Variants in CNTNAP3B observed in about 807,000 individuals in gnomAD.
The protein encoded by CNTNAP3B is contactin associated protein family member 3B, also known as contactin-associated protein-like 3B.
In CNTNAP3B, 25 loss-of-function variants were observed where a neutral mutation model predicts 108.9. The observed-to-expected ratio is 0.23, with a 90% CI of 0.17 to 0.32. The LOEUF (loss-of-function observed/expected upper bound fraction) is 0.32. Ranked by LOEUF, CNTNAP3B falls within the 10% of genes least tolerant of loss-of-function variation. The pLI is 1.00. For missense variants in CNTNAP3B, 252 were observed against 1,210.4 expected (o/e 0.21, Z 11.75); for synonymous variants, 103 against 473.4 (o/e 0.22, Z 10.16).
chr9:42,054,179 G>GTT (rs1827012799), intron 3 of CNTNAP3B, among the ~76,000 whole-genome samples: 1 of 74,244 alleles, frequency 1.3e-5, no homozygotes, highest in African/African-American at 4.4e-5. Context: ...GTGTGTGTGT[G>GTT]TTTGCACACA....
At chr9:42,028,936 G>T (rs969062407) in intron 3 of CNTNAP3B, among the ~76,000 whole-genome samples, 8 of 151,702 alleles carry the variant, frequency 5.3e-5, no homozygotes, top group Non-Finnish European at 1.0e-4. Context: ...AATTTTTTTG[G>T]CATTTAAATG....
At chr9:41,925,566 C>T (rs1276255510) in intron 15 of CNTNAP3B, among the ~76,000 whole-genome samples, 7 of 152,168 alleles carry the variant, frequency 4.6e-5, no homozygotes, top group Non-Finnish European at 7.3e-5. Context: ...GCACTCCAGC[C>T]TGCGCAACAG....
intron 13 of CNTNAP3B, among the ~76,000 whole-genome samples, chr9:41,942,867 T>C (rs1394784213): frequency 6.6e-6 from 1 of 152,190 alleles, no homozygotes; most frequent in Non-Finnish European, 1.5e-5. Flanking sequence ...AAATTCAGCC[T>C]AACTACTAAC....
chr9:42,110,702 T>C (rs61395714), intron 1 of CNTNAP3B, among the ~76,000 whole-genome samples: 1,873 of 137,370 alleles, frequency 0.014, 261 homozygotes, highest in South Asian at 0.057. Flanking sequence ...CCATACCTTC[T>C]TCAGGCCACG....
rs980573784 is a variant in CNTNAP3B, at chr9:41,941,102, C to T, written c.2081-2702G>A. Among the ~76,000 whole-genome samples the T allele has an allele frequency of 9.8e-4, 147 of 150,162 alleles. No individual in the cohort carries two copies. In the East Asian group the frequency reaches 0.02, roughly 21 times the overall value. ...TTAGAAGTGGGGAAGATAAAGGACC[C>T]AAATAGACATAAGGATTCCATATTT... is the stretch of plus-strand genomic sequence containing the variant. On this transcript the variant is annotated intron_variant, in intron 13 of 23. Coordinates refer to ENST00000377561, the MANE Select transcript of CNTNAP3B (RefSeq NM_001201380.3).
intron 1 of CNTNAP3B, among the ~76,000 whole-genome samples, chr9:42,117,232 GCAC>G (rs1360576821): frequency 1.5e-5 from 2 of 134,454 alleles, no homozygotes; most frequent in Non-Finnish European, 3.1e-5. Context: ...ATTCTTCTCA[GCAC>G]CACATCACAC....
At chr9:41,913,564 T>C (rs1823455812) in intron 18 of CNTNAP3B, among the ~76,000 whole-genome samples, 1 of 140,612 alleles carries the variant, frequency 7.1e-6, no homozygotes, top group Admixed American at 7.0e-5. Context: ...AAATATGAAA[T>C]TCAGTAGCAT....
At chr9:42,103,167 G>A (rs1233589525) in intron 2 of CNTNAP3B, among the ~76,000 whole-genome samples, 2 of 133,016 alleles carry the variant, frequency 1.5e-5, no homozygotes, top group Non-Finnish European at 3.1e-5. Flanking sequence ...CTTAGTCACT[G>A]TTTCAGTGAT....
chr9:41,972,626 G>T lies in CNTNAP3B; in HGVS notation c.1478-2381C>A, dbSNP rs1443168688. On this transcript the variant is annotated intron_variant, in intron 9 of 23. Coordinates refer to ENST00000377561, the MANE Select transcript of CNTNAP3B (RefSeq NM_001201380.3). ...TATCGAAACTATACATAACCTCACAGACACTTGGAAGTTTAACATTTAACA... is the reference window on the plus strand; with the variant it reads ...TATCGAAACTATACATAACCTCACATACACTTGGAAGTTTAACATTTAACA... Among the ~76,000 whole-genome samples the T allele has an allele frequency of 2.2e-5, 3 of 137,600 alleles. 1 individual carries two copies. The highest frequency in any genetic ancestry group is 8.7e-5 in the African/African-American group (3 of 34,662). The allele number at this position is 137,600 out of a possible 152,430, so 90.3% of individuals were successfully genotyped here.
chr9:42,109,442 G>GAA (rs879689975), intron 1 of CNTNAP3B, among the ~76,000 whole-genome samples: 62 of 126,558 alleles, frequency 4.9e-4, no homozygotes, highest in Middle Eastern at 4.3e-3. Context: ...TAATAAGAAT[G>GAA]AAAAAAAAAA....
chr9:42,028,772 T>A (rs1587210706), intron 3 of CNTNAP3B, among the ~76,000 whole-genome samples: 1 of 150,324 alleles, frequency 6.7e-6, no homozygotes, highest in African/African-American at 2.5e-5. Flanking sequence ...AAATAATGCT[T>A]AGCATTTATA....
intron 3 of CNTNAP3B, among the ~76,000 whole-genome samples, chr9:42,047,238 G>T (rs1826889747): frequency 2.1e-5 from 2 of 95,144 alleles, no homozygotes; most frequent in African/African-American, 4.7e-5. Flanking sequence ...AAAAAGTTTT[G>T]CTGTTTTTAT....
chr9:41,983,271 G>C lies in CNTNAP3B; in HGVS notation c.1477+2897C>G, dbSNP rs1238763667. ...TTATATATGAATATACATTGTCAAAGACTATAATGTTAGAGATTTTCTATT... is the reference window on the plus strand; with the variant it reads ...TTATATATGAATATACATTGTCAAACACTATAATGTTAGAGATTTTCTATT... On this transcript the variant is annotated intron_variant, in intron 9 of 23. Transcript: ENST00000377561. 2 of 125,582 alleles carry C rather than the reference G, an allele frequency of 1.6e-5. 1 individual carries two copies. Among genetic ancestry groups the C allele is most frequent in the Non-Finnish European group, 3.3e-5 (2 of 60,340 alleles). The allele number at this position is 125,582 out of a possible 1,614,324, so 7.8% of individuals were successfully genotyped here.
chr9:42,041,968 G>C (rs1314837556), intron 3 of CNTNAP3B, among the ~76,000 whole-genome samples: 16 of 121,814 alleles, frequency 1.3e-4, no homozygotes, highest in African/African-American at 3.9e-4. Context: ...CCATCATTCT[G>C]AGCAAACTAT....
chr9:41,937,049 G>A (rs1452325320), intron 14 of CNTNAP3B, among the ~76,000 whole-genome samples: 2 of 150,530 alleles, frequency 1.3e-5, no homozygotes, highest in Non-Finnish European at 3.0e-5. Context: ...GCTTAGATTA[G>A]CTATTTTATG....
In CNTNAP3B at chr9:42,029,599, C is replaced by T. The variant is rs1360415958; in HGVS notation, c.391-16074G>A. Among the ~76,000 whole-genome samples the T allele has an allele frequency of 5.8e-5, 7 of 120,502 alleles. 2 individuals carry two copies. The East Asian group carries it at 8.4e-4, about 14-fold the overall frequency. The allele number at this position is 120,502 out of a possible 152,430, so 79.1% of individuals were successfully genotyped here. A position where few individuals can be genotyped will look rare whatever the true frequency, so the allele number is the denominator to read the frequency against. On this transcript the variant is annotated intron_variant, in intron 3 of 23. Transcript: ENST00000377561. ...AGGCTGGAGTGCAGTGGTGCAGTCT[C>T]GGCTCACCACAACCTCTGCCTCCTG...
chr9:42,053,426 T>C (rs1481991836), intron 3 of CNTNAP3B, among the ~76,000 whole-genome samples: 2 of 134,472 alleles, frequency 1.5e-5, no homozygotes, highest in Non-Finnish European at 3.1e-5. Flanking sequence ...AATTGTAAGA[T>C]AGAATGGAAA....
chr9:42,037,656 G>A (rs1826660669), intron 3 of CNTNAP3B, among the ~76,000 whole-genome samples: 2 of 75,840 alleles, frequency 2.6e-5, no homozygotes, highest in East Asian at 5.6e-4. Context: ...ACGTCTGATT[G>A]GTGTACCTGA....
chr9:42,058,217 T>G (rs2118561607), intron 3 of CNTNAP3B, among the ~76,000 whole-genome samples: 1 of 151,992 alleles, frequency 6.6e-6, no homozygotes, highest in East Asian at 1.9e-4. Context: ...TAATTTCCTT[T>G]GGATACATAC....
Sources: allele counts gnomAD v4.1 joint callset (sites outside exome capture counted in the v4.1 genomes callset), GRCh38; gene constraint gnomAD v4.1.1; transcripts MANE v1.5; gene names NCBI Gene and HGNC (gene_info 2026-07-23, HGNC 2026-07-21).